ADGRL3: variants seen among roughly 807,000 people sequenced by gnomAD.
ADGRL3 encodes adhesion G protein-coupled receptor L3, also known as calcium-independent alpha-latrotoxin receptor 3.
In ADGRL3, 62 loss-of-function variants were observed where a neutral mutation model predicts 153.5. The ratio of observed to expected loss-of-function variants is 0.40; its 90% CI spans 0.33 to 0.50. ADGRL3 has a LOEUF of 0.50. ADGRL3 is among the 20% of genes least tolerant of loss of function. The pLI is 0.47. For synonymous variants in ADGRL3, 710 were observed against 672.5 expected (o/e 1.06, Z -0.86); for missense variants, 1,641 against 1,859.4 (o/e 0.88, Z 2.16).
intron 12 of ADGRL3, among the ~76,000 whole-genome samples, chr4:61,911,253 T>C (rs2098720557): frequency 2.0e-5 from 3 of 152,212 alleles, no homozygotes; most frequent in Admixed American, 2.0e-4. Context: ...ATGGTGTTGA[T>C]GTCTGACAAT....
intron 5 of ADGRL3, among the ~76,000 whole-genome samples, chr4:61,600,490 T>C (rs2099006999): frequency 6.6e-6 from 1 of 152,098 alleles, no homozygotes; most frequent in Non-Finnish European, 1.5e-5. Context: ...ATTCAGAGCA[T>C]GTGGTTTGAA....
chr4:61,439,842 C>T (rs2097505467), intron 2 of ADGRL3, among the ~76,000 whole-genome samples: 2 of 152,146 alleles, frequency 1.3e-5, no homozygotes, highest in South Asian at 4.1e-4. Flanking sequence ...TTCTCCTACA[C>T]TTGCCCTGTA....
At chr4:61,715,875 G>A (rs1394742849) in intron 6 of ADGRL3, among the ~76,000 whole-genome samples, 2 of 143,408 alleles carry the variant, frequency 1.4e-5, no homozygotes, top group Non-Finnish European at 3.0e-5. Context: ...AGTAACATAA[G>A]CCATTTTCAT....
At chr4:61,819,110 T>G (rs2148694394) in intron 9 of ADGRL3, among the ~76,000 whole-genome samples, 1 of 152,288 alleles carries the variant, frequency 6.6e-6, no homozygotes, top group Non-Finnish European at 1.5e-5. Context: ...ACACTATTGT[T>G]GATATGTATA....
intron 1 of ADGRL3, among the ~76,000 whole-genome samples, chr4:61,205,536 A>G (rs1473289462): frequency 6.6e-6 from 1 of 152,186 alleles, no homozygotes; most frequent in Non-Finnish European, 1.5e-5. Context: ...CCTAAAGAAT[A>G]CAGCTGTATT....
At chr4:61,293,536 T>C (rs2094301144) in intron 1 of ADGRL3, among the ~76,000 whole-genome samples, 2 of 152,194 alleles carry the variant, frequency 1.3e-5, no homozygotes, top group African/African-American at 4.8e-5. Flanking sequence ...TGACTTATTT[T>C]AGTTATGATA....
Position 61,853,582 on chromosome 4 carries a change from T to C in ADGRL3, c.1481-39074T>C, listed in dbSNP as rs143077181. Among the ~76,000 whole-genome samples, 746 of 152,332 alleles carry C rather than the reference T, an allele frequency of 4.9e-3. 6 individuals carry two copies. The highest frequency in any genetic ancestry group is 7.2e-3 in the Admixed American group (110 of 15,300). The stretch of plus-strand genomic sequence containing the variant: ...TCTGGCTACAAAGTTTTATTATTAC[T>C]TGAGTTATGTTGAAGAACATTTCCC... On this transcript the variant is annotated intron_variant, in intron 9 of 26. Coordinates refer to ENST00000683033, the MANE Select transcript of ADGRL3 (RefSeq NM_001387552.1).
chr4:61,463,557 G>T (rs2097847622), intron 2 of ADGRL3, among the ~76,000 whole-genome samples: 1 of 152,104 alleles, frequency 6.6e-6, no homozygotes, highest in Non-Finnish European at 1.5e-5. Context: ...ATTACAACTG[G>T]ACATGAGATT....
chr4:61,767,302 TA>T (rs550129183), intron 8 of ADGRL3, among the ~76,000 whole-genome samples: 328 of 151,524 alleles, frequency 2.2e-3, no homozygotes, highest in Non-Finnish European at 3.6e-3. Flanking sequence ...TGGGGACAAC[TA>T]AAAAGGAGTG....
chr4:61,620,546 T>C (rs1167383320), intron 5 of ADGRL3, among the ~76,000 whole-genome samples: 1 of 151,834 alleles, frequency 6.6e-6, no homozygotes. Flanking sequence ...TGCTTGGCAC[T>C]CTCTTTCCTT....
intron 5 of ADGRL3, among the ~76,000 whole-genome samples, chr4:61,668,660 A>T (rs2094886221): frequency 6.6e-6 from 1 of 152,220 alleles, no homozygotes; most frequent in Non-Finnish European, 1.5e-5. Flanking sequence ...ATGCATTGGC[A>T]TAATGTCCTC....
chr4:61,246,286 A>G (rs1377443243), intron 1 of ADGRL3, among the ~76,000 whole-genome samples: 1 of 152,060 alleles, frequency 6.6e-6, no homozygotes, highest in Non-Finnish European at 1.5e-5. Context: ...CCCAGCTGCT[A>G]TCTATCTTGT....
At chr4:61,799,355 G>A (rs894147301) in intron 8 of ADGRL3, among the ~76,000 whole-genome samples, 1 of 152,026 alleles carries the variant, frequency 6.6e-6, no homozygotes, top group Non-Finnish European at 1.5e-5. Flanking sequence ...CAGGCTACAT[G>A]TGATCCCTAT....
chr4:61,372,084 C>T lies in ADGRL3; in HGVS notation c.-239-11040C>T, dbSNP rs2096538883. On this transcript the variant is annotated intron_variant, in intron 1 of 26. Coordinates refer to ENST00000683033, the MANE Select transcript of ADGRL3 (RefSeq NM_001387552.1). ...GAGCCTTGGTTTTCAGCTCCATCAGCTCCTTTAAGCACTTCTCTGTATTGG... is the reference window on the plus strand; with the variant it reads ...GAGCCTTGGTTTTCAGCTCCATCAGTTCCTTTAAGCACTTCTCTGTATTGG... 2.6e-5 allele frequency among the ~76,000 whole-genome samples: 4 copies of T among 152,078 alleles called. No homozygotes were observed. The South Asian group carries it at 6.2e-4, about 24-fold the overall frequency.
At chr4:61,606,560 C>T (rs1056133300) in intron 5 of ADGRL3, among the ~76,000 whole-genome samples, 1 of 152,174 alleles carries the variant, frequency 6.6e-6, no homozygotes, top group Non-Finnish European at 1.5e-5. Flanking sequence ...CTTATAAGGA[C>T]ATCAGTCCTA....
intron 21 of ADGRL3, among the ~76,000 whole-genome samples, chr4:62,017,639 A>AT (rs1033459998): frequency 6.6e-6 from 1 of 152,012 alleles, no homozygotes; most frequent in African/African-American, 2.4e-5. Context: ...TGGTAAGGAT[A>AT]TTTTTTTGTC....
intron 25 of ADGRL3, among the ~76,000 whole-genome samples, chr4:62,061,566 C>T (rs10025960): frequency 0.027 from 4,174 of 151,992 alleles, 207 homozygotes; most frequent in African/African-American, 0.097. Flanking sequence ...ATTTTATCAC[C>T]ACAAGGATGC....
At chr4:61,526,901 T>C (rs766223965) in intron 4 of ADGRL3, among the ~76,000 whole-genome samples, 10 of 152,142 alleles carry the variant, frequency 6.6e-5, no homozygotes, top group Non-Finnish European at 8.8e-5. Flanking sequence ...TATTTTCAAA[T>C]AGTCTATAGC....
chr4:61,363,544 G>T (rs1368785649), intron 1 of ADGRL3, among the ~76,000 whole-genome samples: 1 of 152,120 alleles, frequency 6.6e-6, no homozygotes, highest in Non-Finnish European at 1.5e-5. Flanking sequence ...CTTTGCAGCT[G>T]TGCCATTTAG....
Sources: allele counts gnomAD v4.1 joint callset (sites outside exome capture counted in the v4.1 genomes callset), GRCh38; gene constraint gnomAD v4.1.1; transcripts MANE v1.5; gene names NCBI Gene and HGNC (gene_info 2026-07-23, HGNC 2026-07-21).